The following DNAAF4 variants were observed in gnomAD, a reference collection of about 807,000 sequenced individuals.
DNAAF4 encodes the protein dynein assembly factor 4, axonemal.
Under a neutral mutation model 51.8 loss-of-function variants are expected in DNAAF4, and 43 were observed. The ratio of observed to expected loss-of-function variants is 0.83; its 90% confidence interval spans 0.65 to 1.07. DNAAF4 has a LOEUF of 1.07. DNAAF4 is among the 50% of genes least tolerant of loss of function. The pLI is 0.00. For synonymous variants in DNAAF4, 194 were observed against 165.6 expected (o/e 1.17, Z -1.32); for missense variants, 581 against 493.0 (o/e 1.18, Z -1.69).
At chr15:55,495,247 T>C (rs528875363) in intron 3 of DNAAF4, 13 of 148,772 alleles carry the variant, frequency 8.7e-5, no homozygotes, top group Admixed American at 6.8e-5. Context: ...GTAAACTGGC[T>C]ATGTTAACCT....
chr15:55,476,639 G>A lies in DNAAF4; in HGVS notation c.406-9478C>T, dbSNP rs528789651. Among the ~76,000 whole-genome samples the A allele has an allele frequency of 2.0e-5, 3 of 152,154 alleles. No individual in the cohort carries two copies. The South Asian group carries it at 6.2e-4, about 32-fold the overall frequency. On this transcript the variant is annotated intron_variant, in intron 4 of 9. Transcript: ENST00000321149. ...CAGCCTTAAAAAGAAAGGAAATTCT[G>A]ACACAAGCTAAAACAAGGATGAACC...
At chr15:55,501,067 TTTG>T (rs2058694891) in intron 1 of DNAAF4, among the ~76,000 whole-genome samples, 2 of 151,894 alleles carry the variant, frequency 1.3e-5, no homozygotes, top group South Asian at 2.1e-4. Flanking sequence ...AAAGGATTTT[TTTG>T]TTGTTGTTTT....
intron 4 of DNAAF4, among the ~76,000 whole-genome samples, chr15:55,473,198 A>AAAAAAAATATATATATAT (rs1209754897): frequency 1.3e-5 from 1 of 75,744 alleles, no homozygotes; most frequent in African/African-American, 5.4e-5. Flanking sequence ...AAAAAAAAAA[A>AAAAAAAATATATATATAT]ATATATATAT....
At chr15:55,419,763 G>A (rs937912349) in intron 7 of DNAAF4, among the ~76,000 whole-genome samples, 4 of 152,098 alleles carry the variant, frequency 2.6e-5, no homozygotes, top group South Asian at 2.1e-4. Context: ...TTGGGAGCCC[G>A]GGGCTGGTGG....
rs10688653 is a variant in DNAAF4 at position 55,455,387 on chromosome 15, A to AATATATATATATATATAT, written c.638-5038_638-5021dup. On this transcript the variant is annotated intron_variant, in intron 5 of 9. Transcript: ENST00000321149. ...CTGCTTATAAAATATTAGCAAATTG[A>AATATATATATATATATAT]ATATATATATATATATATATATATA... is the stretch of plus-strand genomic sequence containing the variant. Among the ~76,000 whole-genome samples the AATATATATATATATATAT allele has an allele frequency of 8.9e-3, 1,130 of 127,002 alleles. 12 individuals are homozygous for AATATATATATATATATAT. The highest frequency in any genetic ancestry group is 0.023 in the African/African-American group (723 of 31,800). 83.3% of individuals were successfully genotyped at this position (127,002 alleles called of 152,430 possible).
intron 3 of DNAAF4, among the ~76,000 whole-genome samples, chr15:55,492,103 T>C (rs926026355): frequency 6.6e-6 from 1 of 151,950 alleles, no homozygotes; most frequent in African/African-American, 2.4e-5. Context: ...GCGATGCTCC[T>C]ACCTTGGCCT....
chr15:55,487,409 C>G (rs1238021137), intron 4 of DNAAF4, among the ~76,000 whole-genome samples: 1 of 152,084 alleles, frequency 6.6e-6, no homozygotes, highest in Non-Finnish European at 1.5e-5. Flanking sequence ...AATCAGCACT[C>G]TGTAAAATGG....
chr15:55,450,195 A>T, intron 6 of DNAAF4, 27 bp downstream of exon 6: 1 of 1,557,016 alleles, frequency 6.4e-7, no homozygotes, highest in Non-Finnish European at 8.7e-7. Flanking sequence ...CATTTGTGGT[A>T]ATTGTAACTA....
chr15:55,489,361 G>A (rs1192414537), intron 4 of DNAAF4, among the ~76,000 whole-genome samples: 1 of 152,142 alleles, frequency 6.6e-6, no homozygotes, highest in Non-Finnish European at 1.5e-5. Flanking sequence ...CAGCTGACCA[G>A]TTCAATTATT....
chr15:55,448,519 G>GGGGTGTGT (rs1555415711), intron 6 of DNAAF4, among the ~76,000 whole-genome samples: 9 of 99,882 alleles, frequency 9.0e-5, no homozygotes, highest in Admixed American at 1.4e-4. Flanking sequence ...AAAAAAAAAG[G>GGGGTGTGT]GTGTGTGTGT....
intron 4 of DNAAF4, among the ~76,000 whole-genome samples, chr15:55,489,088 CAA>C (rs370570288): frequency 2.2e-5 from 3 of 136,014 alleles, no homozygotes; most frequent in African/African-American, 2.7e-5. Flanking sequence ...GACTCCATCT[CAA>C]AAAAAAAAAA....
intron 4 of DNAAF4, among the ~76,000 whole-genome samples, chr15:55,486,355 A>G (rs1281392717): frequency 6.6e-6 from 1 of 151,788 alleles, no homozygotes; most frequent in Non-Finnish European, 1.5e-5. Flanking sequence ...CACCACGCCC[A>G]GCTAATTTTT....
intron 1 of DNAAF4, among the ~76,000 whole-genome samples, chr15:55,506,313 C>T (rs2058727009): frequency 6.6e-6 from 1 of 152,182 alleles, no homozygotes; most frequent in Non-Finnish European, 1.5e-5. Context: ...AGCAATTCCA[C>T]TCCTATGTAT....
chr15:55,476,748 G>A (rs1163038966), intron 4 of DNAAF4, among the ~76,000 whole-genome samples: 2 of 152,124 alleles, frequency 1.3e-5, no homozygotes, highest in African/African-American at 2.4e-5. Context: ...AGTAAAATAA[G>A]TCATTTTTTT....
chr15:55,481,607 TC>T (rs1350923610), intron 4 of DNAAF4, among the ~76,000 whole-genome samples: 1 of 152,118 alleles, frequency 6.6e-6, no homozygotes, highest in Non-Finnish European at 1.5e-5. Context: ...GGGCAAGAGT[TC>T]TGTGGTCCCC....
In DNAAF4 at chr15:55,452,204, C is replaced by T. The variant is rs369966743; in HGVS notation, c.638-1837G>A. ...CAGAGGCTGCAGTGAGCCAAGATCA[C>T]GCCACTGCACTCCAGCCTGGACAAC... On this transcript the variant is annotated intron_variant, in intron 5 of 9. Coordinates refer to ENST00000321149, the MANE Select transcript of DNAAF4 (RefSeq NM_130810.4). Among the ~76,000 whole-genome samples the T allele has an allele frequency of 6.3e-4, 79 of 125,032 alleles. 1 individual carries two copies. Among genetic ancestry groups the T allele is most frequent in the African/African-American group, 2.2e-3 (70 of 31,772 alleles). The allele number at this position is 125,032 out of a possible 152,430, so 82.0% of individuals were successfully genotyped here. A position where few individuals can be genotyped will look rare whatever the true frequency, so the allele number is the denominator to read the frequency against.
At chr15:55,433,768 A>G (rs2141404619) in intron 8 of DNAAF4, among the ~76,000 whole-genome samples, 1 of 116,444 alleles carries the variant, frequency 8.6e-6, no homozygotes, top group East Asian at 2.2e-4. Flanking sequence ...AAATATATAT[A>G]ATTGTTTTTA....
chr15:55,443,764 T>C (rs2057753394), intron 6 of DNAAF4, among the ~76,000 whole-genome samples: 1 of 152,234 alleles, frequency 6.6e-6, no homozygotes, highest in African/African-American at 2.4e-5. Context: ...TGGTATCTCA[T>C]TGTGGTTTTG....
chr15:55,457,625 A>C (rs1393876484), intron 5 of DNAAF4, among the ~76,000 whole-genome samples: 3 of 152,140 alleles, frequency 2.0e-5, no homozygotes, highest in African/African-American at 7.3e-5. Context: ...ATAGCAACTC[A>C]TAACAGAACA....
Sources: allele counts gnomAD v4.1 joint callset (sites outside exome capture counted in the v4.1 genomes callset), GRCh38; gene constraint gnomAD v4.1.1; transcripts MANE v1.5; gene names NCBI Gene and HGNC (gene_info 2026-07-23, HGNC 2026-07-21).